The following ASPM variants were observed in gnomAD, a reference collection of about 807,000 sequenced individuals.
The protein encoded by ASPM is abnormal spindle-like microcephaly-associated protein.
A neutral mutation model predicts 366.4 loss-of-function variants in ASPM; 256 were observed. The observed-to-expected ratio is 0.70, with a 90% CI of 0.63 to 0.77. ASPM has a LOEUF of 0.77. ASPM is among the 30% of genes least tolerant of loss of function. ASPM has a pLI of 0.00. For synonymous variants in ASPM, 1,414 were observed against 1,342.9 expected, an observed-to-expected ratio of 1.05 and a Z score of -1.16; for missense variants, 4,146 against 4,090.4, an observed-to-expected ratio of 1.01 and a Z score of -0.37.
Position 197,101,062 on chromosome 1 carries a change from G to A in ASPM, c.8189C>T (p.Thr2730Ile), listed in dbSNP as rs755706135. Residue 2730 changes from threonine to isoleucine, a missense_variant, in exon 18 of 28, where the codon ACA (threonine) becomes ATA (isoleucine). This residue lies in a region of ASPM where 3,624 missense variants were observed against 3,591.7 expected (regional missense o/e 1.01). Transcript: ENST00000367409. Reference sequence around the variant, plus strand: ...AACTGCTAAAAAGTTTTTTCTTTCTGTTTTTACTCTAACATACAACCTATA... The same window carrying A: ...AACTGCTAAAAAGTTTTTTCTTTCTATTTTTACTCTAACATACAACCTATA... ...NYYRLYVRVK[T>I]ERKNFLAVQK... 6.2e-7 allele frequency: 1 copy of A among 1,611,322 alleles called. No individual in the cohort carries two copies. The highest frequency in any genetic ancestry group is 1.7e-5 in the Admixed American group (1 of 59,612).
chr1:197,084,212 A>T lies in ASPM; in HGVS notation c.*112T>A. On this transcript the variant is annotated 3_prime_UTR_variant, in exon 28 of 28. Coordinates refer to ENST00000367409, the MANE Select transcript of ASPM (RefSeq NM_018136.5). ...TGTAATGAACAGTTTATGTTTTTTT[A>T]AAACAAAGTCAGATTTTAAAAGTTG... is the stretch of plus-strand genomic sequence containing the variant. 2.6e-6 allele frequency: 2 copies of T among 764,108 alleles called. No individual in the cohort carries two copies. Among genetic ancestry groups the T allele is most frequent in the African/African-American group, 1.8e-5 (1 of 56,958 alleles). The allele number at this position is 764,108 out of a possible 1,614,324, so 47.3% of individuals were successfully genotyped here. A position where few individuals can be genotyped will look rare whatever the true frequency, so the allele number is the denominator to read the frequency against.
rs1313354825 is a variant in ASPM at position 197,103,633 on chromosome 1, T to C, written c.5618A>G (p.Lys1873Arg). Residue 1873 changes from lysine (K) to arginine (R), a missense_variant, in exon 18 of 28, where the codon AAG becomes AGG. Physicochemically the swap from Lys to Arg is conservative, Grantham distance 26 (BLOSUM62 2). Coordinates refer to ENST00000367409, the MANE Select transcript of ASPM (RefSeq NM_018136.5). ...GAGGGAAATCACAGCTGCCTTTGTC[T>C]TCAAAAAATGTGTTCTTGTATCATG... ...TLHDTRTHFLKTKAAVISLQS... is the reference protein window; with the variant it reads ...TLHDTRTHFLRTKAAVISLQS... The C allele has an allele frequency of 3.7e-6, 6 of 1,612,974 alleles. No homozygotes were observed. Among genetic ancestry groups the C allele is most frequent in the Non-Finnish European group, 5.1e-6 (6 of 1,179,456 alleles).
rs1359463183 is a variant in ASPM at position 197,090,240 on chromosome 1, G to A, written c.9785C>T (p.Thr3262Ile). ...RTALALHYLL[T>I]YKHLSAILEA... ...AAGAATGGCAGAAAGGTGCTTATAT[G>A]TCAAAAGGTAATGAAGTGCAAGTGC... Residue 3262 changes from threonine (T) to isoleucine (I), a missense_variant, in exon 24 of 28, where the codon ACA becomes ATA. By Grantham distance (89) the Thr-to-Ile change is moderately conservative. Transcript: ENST00000367409. 2 of 1,613,538 alleles carry A rather than the reference G, an allele frequency of 1.2e-6. No individual in the cohort carries two copies. The highest frequency in any genetic ancestry group is 1.7e-6 in the Non-Finnish European group (2 of 1,179,676).
In ASPM at chr1:197,090,885, GC is replaced by G; in HGVS notation, c.9600del (p.Lys3200AsnfsTer35). ...KAVRHFLLRKKQEKFTSGIIK... is the reference protein window; with the variant it reads ...KAVRHFLLRKXQEKFTSGIIK... ...ATGATTCCACTAGTGAATTTTTCCT[GC>G]TTTTTACGGAGGAGAAAATGGCGCA... On this transcript the variant is annotated frameshift_variant, in exon 23 of 28. Transcript: ENST00000367409. LOFTEE classifies it high-confidence loss of function. 1.2e-6 allele frequency: 2 copies of G among 1,613,110 alleles called. No homozygotes were observed. Among genetic ancestry groups the G allele is most frequent in the Non-Finnish European group, 1.7e-6 (2 of 1,179,476 alleles).
intron 10 of ASPM, among the ~76,000 whole-genome samples, chr1:197,126,743 A>G (rs1658103809): frequency 6.6e-6 from 1 of 152,228 alleles, no homozygotes; most frequent in Non-Finnish European, 1.5e-5. Context: ...AAGAATGTTC[A>G]TGGAAATTTA....
intron 12 of ASPM, among the ~76,000 whole-genome samples, chr1:197,124,644 T>G (rs898409232): frequency 6.6e-6 from 1 of 151,746 alleles, no homozygotes; most frequent in Non-Finnish European, 1.5e-5. Context: ...ATCTGAGAGG[T>G]AGACATAACA....
At chr1:197,097,977 C>T (rs1045455374) in intron 18 of ASPM, among the ~76,000 whole-genome samples, 22 of 147,992 alleles carry the variant, frequency 1.5e-4, no homozygotes, top group South Asian at 4.3e-4. Context: ...TATAGATATA[C>T]GTGTGTGTAT....
chr1:197,115,700 T>C (rs1429095929), intron 17 of ASPM, among the ~76,000 whole-genome samples: 1 of 152,204 alleles, frequency 6.6e-6, no homozygotes, highest in Non-Finnish European at 1.5e-5. Context: ...TACTGTCAAT[T>C]AACAGTAATA....
At chr1:197,145,565 T>C (rs1003940548) in intron 1 of ASPM, among the ~76,000 whole-genome samples, 4 of 152,004 alleles carry the variant, frequency 2.6e-5, no homozygotes, top group Non-Finnish European at 5.9e-5. Context: ...TAAGGGTACA[T>C]ATGGAAACTA....
At chr1:197,132,986 C>A (rs1428388049) in intron 6 of ASPM, among the ~76,000 whole-genome samples, 1 of 151,734 alleles carries the variant, frequency 6.6e-6, no homozygotes, top group African/African-American at 2.4e-5. Context: ...GGGACTGGGG[C>A]GATGTTGTCA....
rs753881432 is a variant in ASPM at position 197,101,616 on chromosome 1, T to C, written c.7635A>G (p.Lys2545=). Residue 2545 remains lysine (K), a synonymous_variant, in exon 18 of 28, where the codon AAA becomes AAG. Coordinates refer to ENST00000367409, the MANE Select transcript of ASPM (RefSeq NM_018136.5). ...GTTTTTCCCTTAAAAGTTGTCTTGC[T>C]TTCATTCCTTTATATGCAGCCTGAA... ...VVIQAAYKGM[K]ARQLLREKHK... 87 of 1,611,228 alleles carry C rather than the reference T, an allele frequency of 5.4e-5. No individual in the cohort carries two copies. Among genetic ancestry groups the C allele is most frequent in the Non-Finnish European group, 6.8e-5 (80 of 1,179,066 alleles).
chr1:197,131,087 G>A (rs151121874), intron 7 of ASPM, among the ~76,000 whole-genome samples: 1 of 152,268 alleles, frequency 6.6e-6, no homozygotes, highest in African/African-American at 2.4e-5. Context: ...TAAAGGGAAA[G>A]GACACTGGAA....
At chr1:197,130,248 G>T (rs139728426) in intron 7 of ASPM, among the ~76,000 whole-genome samples, 192 bp from the exon 8 acceptor site, 2 of 152,166 alleles carry the variant, frequency 1.3e-5, no homozygotes, top group East Asian at 3.9e-4. Flanking sequence ...TATAGTATAC[G>T]TTGCAATGCA....
rs1189399471 is a variant in ASPM at position 197,103,098 on chromosome 1, CT to C, written c.6152del (p.Gln2051ArgfsTer22). 6.2e-7 allele frequency: 1 copy of C among 1,612,736 alleles called. No homozygotes were observed. The highest frequency in any genetic ancestry group is 1.3e-5 in the African/African-American group (1 of 74,934). On this transcript the variant is annotated frameshift_variant, in exon 18 of 28. Transcript: ENST00000367409. LOFTEE classifies it high-confidence loss of function. ...KDCNKAAVTI[Q>X]SKYRAYKTKK... The stretch of plus-strand genomic sequence containing the variant: ...TGGTTTTGTAAGCTCTGTATTTAGA[CT>C]GTATAGTGACTGCTGCTTTGTTGCA...
rs371861473 is a variant in ASPM, at chr1:197,104,942, G to A, written c.4309C>T (p.Arg1437Cys). 252 of 1,611,778 alleles carry A rather than the reference G, an allele frequency of 1.6e-4. No individual in the cohort carries two copies. The highest frequency in any genetic ancestry group is 2.0e-4 in the Non-Finnish European group (238 of 1,179,034). Residue 1437 changes from arginine to cysteine, a missense_variant, in exon 18 of 28, where the codon CGT (arginine) becomes TGT (cysteine). Arg to Cys is a radical substitution (Grantham distance 180). This residue lies in a region of ASPM where 3,624 missense variants were observed against 3,591.7 expected (regional missense o/e 1.01). Transcript: ENST00000367409. ...GCTTTTACTTGTGATTGCATTTTAC[G>A]TTGCTTCCATTTTCTGAACATAGAT... ...IQSMFRKWKQRKMQSQVKATV... is the reference protein window; with the variant it reads ...IQSMFRKWKQCKMQSQVKATV...
intron 18 of ASPM, among the ~76,000 whole-genome samples, chr1:197,096,801 G>A (rs1445135748): frequency 1.3e-5 from 2 of 151,614 alleles, no homozygotes; most frequent in African/African-American, 4.8e-5. Flanking sequence ...GAGAAATTGA[G>A]TAACTTGTTG....
In ASPM at chr1:197,120,884, A is replaced by C. The variant is rs115983216; in HGVS notation, c.3870+1031T>G. On this transcript the variant is annotated intron_variant, in intron 16 of 27. Coordinates refer to ENST00000367409, the MANE Select transcript of ASPM (RefSeq NM_018136.5). ...AGTGTTAAGACCCTGCCTATTTCCCAAACTTTACTATGAAGAGTTTGAGTA... is the reference window on the plus strand; with the variant it reads ...AGTGTTAAGACCCTGCCTATTTCCCCAACTTTACTATGAAGAGTTTGAGTA... Among the ~76,000 whole-genome samples, 1,067 of 152,290 alleles carry C rather than the reference A, an allele frequency of 7.0e-3. 9 individuals carry two copies. Among genetic ancestry groups the C allele is most frequent in the African/African-American group, 0.023 (967 of 41,564 alleles).
chr1:197,105,305 T>C (rs764955809), intron 17 of ASPM, 120 bp from the exon 18 acceptor site: 1 of 813,650 alleles, frequency 1.2e-6, no homozygotes, highest in Non-Finnish European at 1.9e-6. Context: ...ATTAGAAAAC[T>C]AATTATTTTT....
intron 27 of ASPM, among the ~76,000 whole-genome samples, chr1:197,084,688 ACT>A (rs1656533011): frequency 6.6e-6 from 1 of 151,894 alleles, no homozygotes; most frequent in African/African-American, 2.4e-5. Context: ...CATCAGCCAA[ACT>A]CTCAGTGTCT....
Sources: allele counts gnomAD v4.1 joint callset (sites outside exome capture counted in the v4.1 genomes callset), GRCh38; gene constraint gnomAD v4.1.1; regional missense constraint gnomAD v4.1.1; transcripts MANE v1.5; gene names NCBI Gene and HGNC (gene_info 2026-07-23, HGNC 2026-07-21).